PTCD1: variants seen among roughly 807,000 people sequenced by gnomAD.
PTCD1 encodes the protein pentatricopeptide repeat-containing protein 1, mitochondrial.
PTCD1 carries 50 observed loss-of-function variants against 53.4 expected under a neutral mutation model. That is an observed-to-expected ratio of 0.94 (90% CI 0.75 to 1.19). The LOEUF is 1.19. PTCD1 is among the 50% of genes most tolerant of loss of function. The pLI is 0.00. For synonymous variants in PTCD1, 413 were observed against 394.8 expected (o/e 1.05, Z -0.55); for missense variants, 918 against 904.8 (o/e 1.01, Z -0.19).
rs150342946 is a variant in PTCD1 at position 99,435,212 on chromosome 7, C to A, written c.31G>T (p.Ala11Ser). ...AACAGTCCCATGGGGCGGGCCCTGG[C>A]GAACAGTCGAGCGAGTCTCACGAAG... The part of the protein sequence containing the change: MDFVRLARLF[A>S]RARPMGLFIL... Residue 11 changes from alanine (A) to serine (S), a missense_variant, in exon 2 of 8, where the codon GCC becomes TCC. Transcript: ENST00000292478. 52 of 1,603,690 alleles carry A rather than the reference C, an allele frequency of 3.2e-5. No homozygotes were observed. Among genetic ancestry groups the A allele is most frequent in the Middle Eastern group, 1.7e-4 (1 of 6,060 alleles).
At chr7:99,429,386 A>G (rs917244052) in intron 4 of PTCD1, among the ~76,000 whole-genome samples, 182 bp from the exon 5 acceptor site, 2 of 152,146 alleles carry the variant, frequency 1.3e-5, no homozygotes, top group African/African-American at 4.8e-5. Flanking sequence ...CCTCGAGTGC[A>G]CAAAGCAGGA....
Position 99,435,115 on chromosome 7 carries a change from C to A in PTCD1, c.128G>T (p.Trp43Leu), listed in dbSNP as rs1796408912. The A allele has an allele frequency of 6.2e-7, 1 of 1,603,914 alleles. No individual in the cohort carries two copies. The highest frequency in any genetic ancestry group is 8.5e-7 in the Non-Finnish European group (1 of 1,176,148). Residue 43 changes from tryptophan to leucine, a missense_variant, in exon 2 of 8, where the codon TGG becomes TTG. By Grantham distance (61) the Trp-to-Leu change is moderately conservative. Transcript: ENST00000292478. Reference protein sequence around the residue: ...GGREGLMRPMWAPFSSSSSQL... With the variant: ...GGREGLMRPMLAPFSSSSSQL... ...AGAGGAGGAGCTGCTGAAGGGCGCC[C>A]ACATTGGCCGCATCAGCCCCTCCCT...
intron 5 of PTCD1, 28 bp from the exon 6 acceptor site, chr7:99,425,644 G>A: frequency 6.3e-7 from 1 of 1,592,276 alleles, no homozygotes; most frequent in South Asian, 1.1e-5. Flanking sequence ...AACGTCAGCT[G>A]GGTGCTCCCA....
chr7:99,420,629 A>T (rs1795762041), intron 7 of PTCD1, among the ~76,000 whole-genome samples: 1 of 152,244 alleles, frequency 6.6e-6, no homozygotes, highest in Non-Finnish European at 1.5e-5. Flanking sequence ...AAAGCCAAAA[A>T]GTGCTATCCA....
Position 99,425,010 on chromosome 7 carries a change from G to A in PTCD1, c.1522C>T (p.Leu508=), listed in dbSNP as rs747278474. Residue 508 remains leucine, a synonymous_variant, in exon 6 of 8, where the codon CTG becomes TTG. Coordinates refer to ENST00000292478, the MANE Select transcript of PTCD1 (RefSeq NM_015545.4). The stretch of plus-strand genomic sequence containing the variant: ...ACCTGGTGCTCATCCAGGAGGGCCA[G>A]CAGCAAGGACTCTGCAGGACTCCCG... ...ESGSPAESLL[L]ALLDEHQVEA... is the part of the protein sequence containing the mutation. The A allele has an allele frequency of 6.2e-7, 1 of 1,614,232 alleles. No individual in the cohort carries two copies. The highest frequency in any genetic ancestry group is 8.5e-7 in the Non-Finnish European group (1 of 1,180,036).
chr7:99,425,795 G>A (rs117666847), intron 5 of PTCD1, among the ~76,000 whole-genome samples, 179 bp from the exon 6 acceptor site: 9,622 of 152,090 alleles, frequency 0.063, 540 homozygotes, highest in Admixed American at 0.19. Flanking sequence ...CGCCAGGCGC[G>A]GTGGCTCACG....
In PTCD1 at chr7:99,417,516, G is replaced by C; in HGVS notation, c.*2451C>G. The C allele has an allele frequency of 5.0e-6, 8 of 1,611,470 alleles. No homozygotes were observed. Among genetic ancestry groups the C allele is most frequent in the Non-Finnish European group, 6.8e-6 (8 of 1,178,148 alleles). On this transcript the variant is annotated 3_prime_UTR_variant, in exon 8 of 8. Coordinates refer to ENST00000292478, the MANE Select transcript of PTCD1 (RefSeq NM_015545.4). ...AAGCAAGGATATGAGAACTTGTGCT[G>C]CCTGCGGTGCATTCAGACACGGGAC... is the stretch of plus-strand genomic sequence containing the variant.
At chr7:99,420,237 TGGTGGCTGCCATTTTCCCTTCCA>T (rs1352103179) in intron 7 of PTCD1, 88 bp from the exon 8 acceptor site, 23 of 1,583,798 alleles carry the variant, frequency 1.5e-5, no homozygotes, top group Non-Finnish European at 1.9e-5. Flanking sequence ...TCAGGGAAGC[TGGTGGCTGCCATTTTCCCTTCCA>T]GGTGGCTGCA....
At chr7:99,426,827 C>T (rs1361864601) in intron 5 of PTCD1, among the ~76,000 whole-genome samples, 2 of 151,472 alleles carry the variant, frequency 1.3e-5, no homozygotes, top group Admixed American at 6.6e-5. Flanking sequence ...TCTGCCCCGC[C>T]GCCCCGTCTG....
intron 3 of PTCD1, among the ~76,000 whole-genome samples, chr7:99,430,049 T>A (rs1796199906): frequency 6.6e-6 from 1 of 152,172 alleles, no homozygotes; most frequent in Non-Finnish European, 1.5e-5. Context: ...CCCTGGGCAC[T>A]TGTCAGCCCA....
chr7:99,425,672 G>C, intron 5 of PTCD1, 56 bp from the exon 6 acceptor site: 1 of 1,557,700 alleles, frequency 6.4e-7, no homozygotes, highest in Non-Finnish European at 8.7e-7. Context: ...GCTGGGCGCA[G>C]GGCTCACGCC....
chr7:99,429,168 TCTC>T lies in PTCD1; in HGVS notation c.847_849del (p.Glu283del). 1 of 1,613,830 alleles carries T rather than the reference TCTC, an allele frequency of 6.2e-7. No individual in the cohort carries two copies. Among genetic ancestry groups the T allele is most frequent in the African/African-American group, 1.3e-5 (1 of 74,892 alleles). ...CAGCCCATGAGCAGGAAACTGAAGG[TCTC>T]CTCTGTGACCACGTGCCCTTTGTGG... On this transcript the variant is annotated inframe_deletion, in exon 5 of 8. Transcript: ENST00000292478.
At chr7:99,421,699 G>A (rs545021225) in intron 7 of PTCD1, among the ~76,000 whole-genome samples, 72 of 152,168 alleles carry the variant, frequency 4.7e-4, no homozygotes, top group African/African-American at 1.6e-3. Context: ...AGGTTGCAGT[G>A]AGGCCAGATC....
At chr7:99,420,956 C>A (rs551308807) in intron 7 of PTCD1, among the ~76,000 whole-genome samples, 8 of 150,654 alleles carry the variant, frequency 5.3e-5, no homozygotes, top group African/African-American at 1.7e-4. Flanking sequence ...CAAAAAAAAA[C>A]AAAAACAAAA....
intron 5 of PTCD1, among the ~76,000 whole-genome samples, chr7:99,427,611 C>G (rs1335406659): frequency 2.0e-5 from 3 of 151,092 alleles, no homozygotes. Flanking sequence ...GTGTGCCCAG[C>G]GGCTCATTGA....
chr7:99,419,189 T>C lies in PTCD1; in HGVS notation c.*778A>G, dbSNP rs1795680917. On this transcript the variant is annotated 3_prime_UTR_variant, in exon 8 of 8. Transcript: ENST00000292478. ...CATATTATAAATAGACATACAGATGTAACCTCGGTGTCAACAGCAGCTGGT... is the reference window on the plus strand; with the variant it reads ...CATATTATAAATAGACATACAGATGCAACCTCGGTGTCAACAGCAGCTGGT... 1.7e-6 allele frequency: 1 copy of C among 597,104 alleles called. No individual in the cohort carries two copies. 37.0% of individuals were successfully genotyped at this position (597,104 alleles called of 1,614,324 possible).
intron 3 of PTCD1, among the ~76,000 whole-genome samples, chr7:99,431,603 G>C (rs1363555599): frequency 2.6e-5 from 4 of 152,092 alleles, no homozygotes; most frequent in Admixed American, 1.3e-4. Flanking sequence ...GCCAGGCATG[G>C]TGGCATGTGC....
chr7:99,427,485 G>T (rs1328488563), intron 5 of PTCD1, among the ~76,000 whole-genome samples: 16 of 145,256 alleles, frequency 1.1e-4, no homozygotes, highest in East Asian at 6.3e-4. Flanking sequence ...GAGGTGGGGG[G>T]GGTCAGCCCC....
intron 5 of PTCD1, among the ~76,000 whole-genome samples, chr7:99,427,914 C>T (rs1004045179): frequency 6.6e-6 from 1 of 150,818 alleles, no homozygotes; most frequent in East Asian, 1.9e-4. Flanking sequence ...CAGCATGCTC[C>T]TTAAGAGTCA....
Sources: allele counts gnomAD v4.1 joint callset (sites outside exome capture counted in the v4.1 genomes callset), GRCh38; gene constraint gnomAD v4.1.1; transcripts MANE v1.5; gene names NCBI Gene and HGNC (gene_info 2026-07-23, HGNC 2026-07-21).